The following DCBLD1 variants were observed in gnomAD, a reference collection of about 807,000 sequenced individuals.
The protein encoded by DCBLD1 is discoidin, CUB and LCCL domain containing 1, also known as discoidin, CUB and LCCL domain-containing protein 1.
In DCBLD1, 57 loss-of-function variants were observed where a neutral mutation model predicts 71.5. That is an observed-to-expected ratio of 0.80 (90% CI 0.64 to 0.99). The LOEUF (loss-of-function observed/expected upper bound fraction) is 0.99, where lower values mean the gene tolerates loss of function less well. DCBLD1 is among the 50% of genes least tolerant of loss of function. The pLI is 0.00. For missense variants in DCBLD1, 891 were observed against 923.5 expected, an observed-to-expected ratio of 0.96 and a Z score of 0.46; for synonymous variants, 380 against 363.8, an observed-to-expected ratio of 1.04 and a Z score of -0.51.
intron 1 of DCBLD1, among the ~76,000 whole-genome samples, chr6:117,490,047 A>G (rs1045751144): frequency 6.6e-6 from 1 of 152,150 alleles, no homozygotes; most frequent in Admixed American, 6.5e-5. Context: ...TGCTACACAT[A>G]GAACCATTGA....
At chr6:117,554,145 A>G (rs1779466177), downstream of DCBLD1, among the ~76,000 whole-genome samples, 1 of 152,108 alleles carries the variant, frequency 6.6e-6, no homozygotes, top group African/African-American at 2.4e-5. Flanking sequence ...TATTATTCCT[A>G]GTAGCTTTTA....
In DCBLD1 at chr6:117,539,310, T is replaced by C. The variant is rs935156791; in HGVS notation, c.1032T>C (p.Phe344=). ...ACTTCAACTTTTATGTTAAGAGTTTTGTGATGAACTTCAAAAACAATAATT... is the reference window on the plus strand; with the variant it reads ...ACTTCAACTTTTATGTTAAGAGTTTCGTGATGAACTTCAAAAACAATAATT... ...QSNFNFYVKS[F]VMNFKNNNSK... is the part of the protein sequence containing the mutation. The change falls in exon 9 of 15, where the codon TTT becomes TTC. Residue 344 remains phenylalanine, a synonymous_variant. Coordinates refer to ENST00000338728, the MANE Select transcript of DCBLD1 (RefSeq NM_001366458.2). The C allele has an allele frequency of 1.2e-6, 2 of 1,608,582 alleles. No individual in the cohort carries two copies. Among genetic ancestry groups the C allele is most frequent in the African/African-American group, 2.7e-5 (2 of 74,668 alleles).
At chr6:117,483,321 C>T (rs371355348) in intron 1 of DCBLD1, among the ~76,000 whole-genome samples, 5 of 152,228 alleles carry the variant, frequency 3.3e-5, no homozygotes, top group African/African-American at 9.6e-5. Context: ...AGCCGCTCCT[C>T]GGCCGGCGCT....
At position 117,545,448 on chromosome 6, in the gene DCBLD1, T is replaced by C. The variant is rs375235435; in HGVS notation, c.1496-30T>C. On this transcript the variant is annotated intron_variant, in intron 13 of 14. Transcript: ENST00000338728. ...GGACGCGCATTACATTTCTGACATA[T>C]TCATTTGGTTTATGTTACCTTTATT... The C allele has an allele frequency of 4.0e-5, 65 of 1,610,226 alleles. No homozygotes were observed. The African/African-American group carries it at 7.6e-4, about 19-fold the overall frequency.
chr6:117,563,066 T>A (rs2114597390), intron 14 of DCBLD1: 1 of 556,892 alleles, frequency 1.8e-6, no homozygotes, highest in Middle Eastern at 4.9e-4. Flanking sequence ...CAATAGCTAA[T>A]TATGGTCTAC....
intron 2 of DCBLD1, 152 bp downstream of exon 2, chr6:117,504,131 T>A: frequency 1.2e-6 from 1 of 821,660 alleles, no homozygotes; most frequent in Non-Finnish European, 1.9e-6. Context: ...AAGGATACAT[T>A]TGCTTCATAA....
intron 1 of DCBLD1, among the ~76,000 whole-genome samples, chr6:117,492,242 C>CCT (rs1178034902): frequency 3.3e-5 from 5 of 152,172 alleles, no homozygotes; most frequent in Admixed American, 2.0e-4. Flanking sequence ...AAATTTTAAA[C>CCT]CTCTATCTTC....
At chr6:117,483,768 G>T (rs1776988490) in intron 1 of DCBLD1, among the ~76,000 whole-genome samples, 1 of 150,496 alleles carries the variant, frequency 6.6e-6, no homozygotes, top group Non-Finnish European at 1.5e-5. Context: ...CTCCTCCCTT[G>T]CTCCTGGCCG....
chr6:117,563,023 A>G (rs1162657085), intron 14 of DCBLD1: 1 of 489,368 alleles, frequency 2.0e-6, no homozygotes, highest in African/African-American at 2.0e-5. Context: ...TTTGGTGCTT[A>G]CAAGTTCAAG....
intron 2 of DCBLD1, among the ~76,000 whole-genome samples, chr6:117,511,897 C>T (rs1778035877): frequency 6.6e-6 from 1 of 152,148 alleles, no homozygotes; most frequent in Non-Finnish European, 1.5e-5. Context: ...AGTGCGTCCT[C>T]CTCTATGGTT....
chr6:117,563,136 G>A lies in DCBLD1; in HGVS notation c.1616-6484G>A, dbSNP rs186099063. Reference sequence around the variant, plus strand: ...GTTCACATGAAGCCCTGAGGTACCCGCCTTTCATTTAGGCAACAAACAGCC... The same window carrying A: ...GTTCACATGAAGCCCTGAGGTACCCACCTTTCATTTAGGCAACAAACAGCC... On this transcript the variant is annotated intron_variant, in intron 14 of 14. Coordinates refer to the DCBLD1 transcript ENST00000296955. 2.6e-5 allele frequency: 23 copies of A among 871,100 alleles called. No individual in the cohort carries two copies. The East Asian group carries it at 3.9e-4, about 15-fold the overall frequency. The allele number at this position is 871,100 out of a possible 1,614,324, so 54.0% of individuals were successfully genotyped here. A position where few individuals can be genotyped will look rare whatever the true frequency, so the allele number is the denominator to read the frequency against.
chr6:117,533,537 A>G (rs961141099), intron 6 of DCBLD1, among the ~76,000 whole-genome samples: 7 of 152,114 alleles, frequency 4.6e-5, no homozygotes, highest in Non-Finnish European at 8.8e-5. Context: ...ATTTAAGTGT[A>G]TTTTAGTTAG....
intron 1 of DCBLD1, among the ~76,000 whole-genome samples, chr6:117,484,390 C>T (rs934547159): frequency 9.9e-5 from 15 of 152,142 alleles, no homozygotes; most frequent in Non-Finnish European, 1.8e-4. Context: ...ACTCTGTCGC[C>T]CAGGCTGCAG....
chr6:117,566,824 G>C, intron 14 of DCBLD1: 1 of 1,388,072 alleles, frequency 7.2e-7, no homozygotes, highest in East Asian at 2.5e-5. Flanking sequence ...TAATGAATAT[G>C]TTAATAATAA....
At chr6:117,497,192 C>CA (rs937697327) in intron 1 of DCBLD1, among the ~76,000 whole-genome samples, 4 of 151,830 alleles carry the variant, frequency 2.6e-5, no homozygotes, top group Non-Finnish European at 5.9e-5. Context: ...GACTCCGTCT[C>CA]AAAAAAAATT....
intron 3 of DCBLD1, 41 bp from the exon 4 acceptor site, chr6:117,521,484 T>C (rs1778382726): frequency 6.6e-7 from 1 of 1,506,688 alleles, no homozygotes; most frequent in East Asian, 2.3e-5. Flanking sequence ...GTCCTAGTTT[T>C]TATTCATTCT....
At chr6:117,563,674 A>G (rs1040507407) in intron 14 of DCBLD1, among the ~76,000 whole-genome samples, 2 of 151,878 alleles carry the variant, frequency 1.3e-5, no homozygotes, top group African/African-American at 4.8e-5. Context: ...GTGAGCTGAG[A>G]TCGTACCACC....
rs1201251780 is a variant in DCBLD1, at chr6:117,525,383, T to C, written c.534T>C (p.Cys178=). 6.7e-7 allele frequency: 1 copy of C among 1,498,292 alleles called. No individual in the cohort carries two copies. Among genetic ancestry groups the C allele is most frequent in the East Asian group, 2.6e-5 (1 of 39,196 alleles). The allele number at this position is 1,498,292 out of a possible 1,614,324, so 92.8% of individuals were successfully genotyped here. A position where few individuals can be genotyped will look rare whatever the true frequency, so the allele number is the denominator to read the frequency against. ...TEYSKFCPAG[C]RDVAGDISGN... Reference sequence around the variant, plus strand: ...CCAGCAAATTCTGCCCAGCTGGTTGTAGAGACGTAGCAGGAGACATTTCTG... The same window carrying C: ...CCAGCAAATTCTGCCCAGCTGGTTGCAGAGACGTAGCAGGAGACATTTCTG... The change falls in exon 5 of 15, where the codon TGT becomes TGC. Residue 178 remains cysteine, a synonymous_variant. Transcript: ENST00000338728.
rs901120415 is a variant in DCBLD1 at position 117,539,598 on chromosome 6, T to C, written c.1101+219T>C. The C allele has an allele frequency of 1.1e-4, 38 of 360,478 alleles. No homozygotes were observed. In the East Asian group the frequency reaches 2.5e-3, roughly 24 times the overall value. 22.3% of individuals were successfully genotyped at this position (360,478 alleles called of 1,614,324 possible). A position where few individuals can be genotyped will look rare whatever the true frequency, so the allele number is the denominator to read the frequency against. On this transcript the variant is annotated intron_variant, in intron 9 of 14. Coordinates refer to ENST00000338728, the MANE Select transcript of DCBLD1 (RefSeq NM_001366458.2). Reference sequence around the variant, plus strand: ...AAGACCCCACCACTACAAAAAAAAATTTTTAATTACCCAAATGTGGTGGTG... The same window carrying C: ...AAGACCCCACCACTACAAAAAAAAACTTTTAATTACCCAAATGTGGTGGTG...
Sources: gnomAD v4.1 joint callset for allele counts (sites outside exome capture counted in the v4.1 genomes callset) on GRCh38, gnomAD v4.1.1 for gene constraint, MANE v1.5 for transcripts, NCBI Gene and HGNC (gene_info 2026-07-23, HGNC 2026-07-21) for gene names.